Variants in GRM8 observed in about 807,000 individuals in gnomAD.
The protein encoded by GRM8 is metabotropic glutamate receptor 8.
In GRM8, 47 loss-of-function variants were observed where a neutral mutation model predicts 87.2. That is an observed-to-expected ratio of 0.54 (90% CI 0.43 to 0.69). GRM8 has a LOEUF of 0.69. Among genes scored for constraint, GRM8 ranks in the 30% least tolerant of loss-of-function variants. GRM8 has a pLI of 0.00. For synonymous variants in GRM8, 396 were observed against 404.5 expected, an observed-to-expected ratio of 0.98 and a Z score of 0.25; for missense variants, 1,019 against 1,139.2, an observed-to-expected ratio of 0.89 and a Z score of 1.52.
chr7:127,237,790 A>G (rs1798062003), intron 2 of GRM8, among the ~76,000 whole-genome samples: 1 of 152,240 alleles, frequency 6.6e-6, no homozygotes, highest in South Asian at 2.1e-4. Flanking sequence ...ATTATATTTG[A>G]CAGTGTCCTC....
chr7:126,514,025 G>A (rs1811807574), intron 9 of GRM8, among the ~76,000 whole-genome samples: 1 of 152,104 alleles, frequency 6.6e-6, no homozygotes, highest in Admixed American at 6.6e-5. Context: ...GTGCAATCAT[G>A]CATTTGTTCA....
At chr7:126,724,928 T>C (rs1812797817) in intron 7 of GRM8, among the ~76,000 whole-genome samples, 1 of 152,154 alleles carries the variant, frequency 6.6e-6, no homozygotes, top group African/African-American at 2.4e-5. Context: ...ATGCACATTC[T>C]TATATATAGC....
At chr7:127,204,848 A>C (rs1361019526) in intron 2 of GRM8, among the ~76,000 whole-genome samples, 2 of 152,210 alleles carry the variant, frequency 1.3e-5, no homozygotes, top group Admixed American at 6.5e-5. Context: ...ATGGAGAAGA[A>C]ACATGGCCTT....
chr7:127,018,736 G>T (rs1815963800), intron 3 of GRM8, among the ~76,000 whole-genome samples: 1 of 151,822 alleles, frequency 6.6e-6, no homozygotes. Context: ...GCCCCTTTCT[G>T]CTTGACACCT....
chr7:127,195,747 G>T (rs756985112), intron 2 of GRM8, among the ~76,000 whole-genome samples: 2 of 152,012 alleles, frequency 1.3e-5, no homozygotes, highest in Non-Finnish European at 2.9e-5. Flanking sequence ...TCTTCCCTCT[G>T]CTCCCACCAA....
intron 6 of GRM8, among the ~76,000 whole-genome samples, chr7:126,812,822 AG>A (rs1793428351): frequency 6.6e-6 from 1 of 152,072 alleles, no homozygotes; most frequent in African/African-American, 2.4e-5. Context: ...ATGCTTTTGC[AG>A]TAGTACATGA....
intron 7 of GRM8, among the ~76,000 whole-genome samples, chr7:126,759,077 T>C (rs1817320297): frequency 6.6e-6 from 1 of 151,988 alleles, no homozygotes; most frequent in Non-Finnish European, 1.5e-5. Flanking sequence ...TTTGTATTTT[T>C]AGTAGAGATG....
intron 3 of GRM8, among the ~76,000 whole-genome samples, chr7:127,018,048 G>A (rs997841554): frequency 3.9e-5 from 6 of 152,016 alleles, no homozygotes; most frequent in African/African-American, 1.2e-4. Context: ...AAATATGGCC[G>A]CTGGCCTCAA....
chr7:126,482,636 G>C (rs556027929), intron 9 of GRM8, among the ~76,000 whole-genome samples: 42 of 152,014 alleles, frequency 2.8e-4, no homozygotes, highest in Admixed American at 4.6e-4. Flanking sequence ...CCAGGGTCTG[G>C]GGGGAAGAGG....
At chr7:126,863,949 A>G (rs1400930443) in intron 6 of GRM8, among the ~76,000 whole-genome samples, 1 of 150,514 alleles carries the variant, frequency 6.6e-6, no homozygotes, top group Non-Finnish European at 1.5e-5. Context: ...TTTACCTGGT[A>G]TATCATTTTT....
At chr7:126,575,904 A>G (rs377562260) in intron 8 of GRM8, among the ~76,000 whole-genome samples, 34 of 152,276 alleles carry the variant, frequency 2.2e-4, no homozygotes, top group East Asian at 1.9e-3. Flanking sequence ...TCACCCAATT[A>G]TTAGCTCTCA....
intron 8 of GRM8, among the ~76,000 whole-genome samples, chr7:126,573,926 C>A (rs1794900228): frequency 6.6e-6 from 1 of 152,064 alleles, no homozygotes; most frequent in African/African-American, 2.4e-5. Flanking sequence ...CAGAAAATAA[C>A]CTAATAGATG....
chr7:126,494,293 C>G (rs956696668), intron 9 of GRM8, among the ~76,000 whole-genome samples: 2 of 151,254 alleles, frequency 1.3e-5, no homozygotes, highest in Admixed American at 1.3e-4. Flanking sequence ...ACCATTAGCT[C>G]AAATAGATGC....
At chr7:126,674,272 C>A (rs904110495) in intron 7 of GRM8, among the ~76,000 whole-genome samples, 2 of 152,156 alleles carry the variant, frequency 1.3e-5, no homozygotes, top group African/African-American at 4.8e-5. Context: ...TAAAAGGCAG[C>A]GTGTTTTTCC....
chr7:126,708,868 T>G (rs1810817706), intron 7 of GRM8, among the ~76,000 whole-genome samples: 1 of 151,950 alleles, frequency 6.6e-6, no homozygotes, highest in Admixed American at 6.6e-5. Context: ...ATTCAAAATT[T>G]TAGACAGGAA....
chr7:126,825,082 T>C (rs936355543), intron 6 of GRM8, among the ~76,000 whole-genome samples: 21 of 152,182 alleles, frequency 1.4e-4, no homozygotes, highest in African/African-American at 4.6e-4. Context: ...TTGTTGTTTT[T>C]TTCGAGACAC....
chr7:126,622,068 C>T (rs540826508), intron 7 of GRM8, among the ~76,000 whole-genome samples: 6 of 152,100 alleles, frequency 3.9e-5, no homozygotes, highest in Non-Finnish European at 7.4e-5. Flanking sequence ...TTCAATTGTA[C>T]ATCTTCTTTG....
At chr7:127,173,806 G>A (rs765124267) in intron 2 of GRM8, among the ~76,000 whole-genome samples, 79 of 152,068 alleles carry the variant, frequency 5.2e-4, no homozygotes, top group African/African-American at 1.7e-3. Context: ...TCCTAAAGGC[G>A]CACACCTGGT....
chr7:126,746,303 A>G (rs900735746), intron 7 of GRM8, among the ~76,000 whole-genome samples: 2 of 151,708 alleles, frequency 1.3e-5, no homozygotes, highest in Admixed American at 6.6e-5. Context: ...AAACTACATG[A>G]GTCATTGTAT....
Sources: allele counts gnomAD v4.1 joint callset (sites outside exome capture counted in the v4.1 genomes callset), GRCh38; gene constraint gnomAD v4.1.1; transcripts MANE v1.5; gene names NCBI Gene and HGNC (gene_info 2026-07-23, HGNC 2026-07-21).